Variants in TMEM67 observed in about 807,000 individuals in gnomAD.
TMEM67 encodes transmembrane protein 67.
In TMEM67, 124 loss-of-function variants were observed where a neutral mutation model predicts 136.6. The ratio of observed to expected loss-of-function variants is 0.91; its 90% confidence interval spans 0.78 to 1.05. The LOEUF is 1.05. Among genes scored for constraint, TMEM67 ranks in the 50% least tolerant of loss-of-function variants. The pLI is 0.00. For synonymous variants in TMEM67, 364 were observed against 390.5 expected (o/e 0.93, Z 0.80); for missense variants, 1,107 against 1,178.4 (o/e 0.94, Z 0.89).
chr8:93,755,711 A>C (rs558565886), intron 1 of TMEM67, 67 bp from the exon 2 acceptor site: 25 of 1,050,782 alleles, frequency 2.4e-5, no homozygotes, highest in Middle Eastern at 3.0e-4. Flanking sequence ...AAGTTTCACT[A>C]TCTGGGAACT....
At chr8:93,820,366 G>A (rs139759278), downstream of TMEM67, among the ~76,000 whole-genome samples, 1 of 152,264 alleles carries the variant, frequency 6.6e-6, no homozygotes, top group Non-Finnish European at 1.5e-5. Context: ...ATCATTAAAG[G>A]TTTTTATGTT....
Position 93,755,228 on chromosome 8 carries a change from C to G in TMEM67, c.223+91C>G, listed in dbSNP as rs1425501028. 3.2e-6 allele frequency: 4 copies of G among 1,257,286 alleles called. No individual in the cohort carries two copies. The South Asian group carries it at 4.8e-5, about 15-fold the overall frequency. 77.9% of individuals were successfully genotyped at this position (1,257,286 alleles called of 1,614,324 possible). On this transcript the variant is annotated intron_variant, in intron 1 of 27. Transcript: ENST00000453321. Reference sequence around the variant, plus strand: ...GTAAATGGAGTTTCACCATGTTGATCAGGCTAGTCTCGAACTTCTGACCTC... The same window carrying G: ...GTAAATGGAGTTTCACCATGTTGATGAGGCTAGTCTCGAACTTCTGACCTC...
rs1001060873 is a variant in TMEM67 at position 93,809,853 on chromosome 8, C to T, written c.2730C>T (p.Phe910=). The change falls in exon 26 of 28, where the codon TTC becomes TTT. Residue 910 remains phenylalanine (F), a synonymous_variant. Transcript: ENST00000453321. ...TTGAAAGAATTCTTGGAATGGAATT[C>T]ATGGAACCAATGGAAAAAAGCATCT... ...LLLERILGME[F]MEPMEKSIFY... 1 of 1,607,910 alleles carries T rather than the reference C, an allele frequency of 6.2e-7. No homozygotes were observed. Among genetic ancestry groups the T allele is most frequent in the Non-Finnish European group, 8.5e-7 (1 of 1,174,948 alleles).
At chr8:93,807,131 C>T (rs1040660681) in intron 23 of TMEM67, among the ~76,000 whole-genome samples, 2 of 152,022 alleles carry the variant, frequency 1.3e-5, no homozygotes, top group African/African-American at 4.8e-5. Context: ...AAAGCTAATA[C>T]TTAATAGCAT....
rs571057677 is a variant in TMEM67, at chr8:93,809,987, T to C, written c.2764+100T>C. On this transcript the variant is annotated intron_variant, in intron 26 of 27. Transcript: ENST00000453321. ...TCTTTTTTTCTTTTTTTTTTTTTTTTAGACGGCGTCTTGCTCTGTTGCCCA... is the reference window on the plus strand; with the variant it reads ...TCTTTTTTTCTTTTTTTTTTTTTTTCAGACGGCGTCTTGCTCTGTTGCCCA... 1.2e-3 allele frequency: 819 copies of C among 667,988 alleles called. 4 individuals are homozygous for C. In the African/African-American group the frequency reaches 0.013, roughly 11 times the overall value. The allele number at this position is 667,988 out of a possible 1,614,324, so 41.4% of individuals were successfully genotyped here. A position where few individuals can be genotyped will look rare whatever the true frequency, so the allele number is the denominator to read the frequency against.
chr8:93,769,199 C>T (rs982279997), intron 6 of TMEM67, among the ~76,000 whole-genome samples: 1 of 152,166 alleles, frequency 6.6e-6, no homozygotes, highest in Non-Finnish European at 1.5e-5. Flanking sequence ...CGTGGGGCAG[C>T]TCCCACCACC....
Position 93,791,279 on chromosome 8 carries a change from C to G in TMEM67, c.1535C>G (p.Thr512Arg). The change falls in exon 15 of 28, where the codon ACA becomes AGA. Residue 512 changes from threonine to arginine, a missense_variant. Coordinates refer to ENST00000453321, the MANE Select transcript of TMEM67 (RefSeq NM_153704.6). ...AAATATCAGGTTTCTTTCTCAGTCA[C>G]ATATGAAATGGATCATGGAGAAGCA... is the stretch of plus-strand genomic sequence containing the variant. ...SQSVKVSFSV[T>R]YEMDHGEAHV... The G allele has an allele frequency of 6.2e-7, 1 of 1,606,510 alleles. No homozygotes were observed. Among genetic ancestry groups the G allele is most frequent in the South Asian group, 1.1e-5 (1 of 90,726 alleles).
intron 7 of TMEM67, among the ~76,000 whole-genome samples, chr8:93,777,799 C>T (rs552755249): frequency 7.2e-5 from 11 of 152,092 alleles, no homozygotes; most frequent in East Asian, 1.9e-4. Context: ...GGAATAAGTG[C>T]GAGGTGGTGC....
chr8:93,759,744 G>T (rs554352803), intron 3 of TMEM67: 54 of 279,966 alleles, frequency 1.9e-4, no homozygotes, highest in African/African-American at 1.2e-3. Flanking sequence ...TCCCTCTCAG[G>T]TTCAAGCGAT....
intron 10 of TMEM67, among the ~76,000 whole-genome samples, chr8:93,782,071 G>T (rs968266675): frequency 6.6e-6 from 1 of 152,036 alleles, no homozygotes; most frequent in Non-Finnish European, 1.5e-5. Flanking sequence ...CTGCCACCAC[G>T]TCCAGCTAAT....
chr8:93,788,432 G>A (rs760270817), intron 14 of TMEM67, among the ~76,000 whole-genome samples: 5 of 152,064 alleles, frequency 3.3e-5, no homozygotes, highest in East Asian at 1.9e-4. Flanking sequence ...GCGTGGTGGC[G>A]CACATCTGTA....
At position 93,816,513 on chromosome 8, in the gene TMEM67, CA is replaced by C; in HGVS notation, c.*62del. 2.2e-6 allele frequency: 2 copies of C among 928,156 alleles called. No individual in the cohort carries two copies. The highest frequency in any genetic ancestry group is 3.5e-6 in the Non-Finnish European group (2 of 573,034). 57.5% of individuals were successfully genotyped at this position (928,156 alleles called of 1,614,324 possible). ...CATGGCCAAAAAAAAGTCATGATAT[CA>C]GGTTAGTTTGCCATATTTTTTAAAA... On this transcript the variant is annotated 3_prime_UTR_variant, in exon 28 of 28. Coordinates refer to ENST00000453321, the MANE Select transcript of TMEM67 (RefSeq NM_153704.6).
the TMEM67 span, among the ~76,000 whole-genome samples, chr8:93,826,971 A>C: frequency 2.0e-5 from 3 of 152,154 alleles, no homozygotes; most frequent in African/African-American, 7.2e-5. Context: ...CTGAGATTAC[A>C]GGCACGTGCC....
downstream of TMEM67, among the ~76,000 whole-genome samples, chr8:93,820,019 G>A (rs549243554): frequency 2.0e-5 from 3 of 152,050 alleles, no homozygotes; most frequent in Admixed American, 2.0e-4. Context: ...ACCAGGTAAC[G>A]GGCAACTAGG....
At chr8:93,801,301 CATAGT>C (rs751582382) in intron 21 of TMEM67, among the ~76,000 whole-genome samples, 204 of 152,232 alleles carry the variant, frequency 1.3e-3, no homozygotes, top group Non-Finnish European at 2.5e-3. Context: ...GTGATGGAAT[CATAGT>C]TCACTGCAGC....
At chr8:93,795,765 C>T (rs1301913037) in intron 17 of TMEM67, 136 bp from the exon 18 acceptor site, 1 of 705,348 alleles carries the variant, frequency 1.4e-6, no homozygotes, top group Admixed American at 2.6e-5. Flanking sequence ...TCCTGTGAGT[C>T]CAGAATCAAG....
chr8:93,808,794 A>C (rs749416188), intron 23 of TMEM67, 46 bp from the exon 24 acceptor site: 4 of 1,275,904 alleles, frequency 3.1e-6, no homozygotes, highest in South Asian at 2.4e-5. Context: ...TGAGGCAGGA[A>C]ATTTTTTATA....
chr8:93,767,888 G>A (rs1478097828), intron 6 of TMEM67, among the ~76,000 whole-genome samples: 77 of 130,624 alleles, frequency 5.9e-4, no homozygotes, highest in Middle Eastern at 8.8e-3. Flanking sequence ...TTTTTGAGAC[G>A]GAGTTTCACT....
chr8:93,822,113 C>G (rs1369187431), downstream of TMEM67, among the ~76,000 whole-genome samples: 1 of 152,198 alleles, frequency 6.6e-6, no homozygotes, highest in East Asian at 1.9e-4. Context: ...AGACAAAGCA[C>G]TCCTGTCCTG....
Sources: allele counts gnomAD v4.1 joint callset (sites outside exome capture counted in the v4.1 genomes callset), GRCh38; gene constraint gnomAD v4.1.1; transcripts MANE v1.5; gene names NCBI Gene and HGNC (gene_info 2026-07-23, HGNC 2026-07-21).